INSL6: variants seen among roughly 807,000 people sequenced by gnomAD.
INSL6 encodes the protein insulin-like peptide INSL6.
INSL6 carries 16 observed loss-of-function variants against 9.4 expected under a neutral mutation model. The ratio of observed to expected loss-of-function variants is 1.70; its 90% CI spans 1.15 to 2.59. The LOEUF is 2.59. Among genes scored for constraint, INSL6 ranks in the 30% most tolerant of loss-of-function variants. The probability of loss-of-function intolerance (pLI) is 0.00; values close to 1 mark genes in which losing one functional copy is unlikely to be tolerated. For synonymous variants in INSL6, 154 were observed against 96.9 expected, an observed-to-expected ratio of 1.59 and a Z score of -3.46; for missense variants, 391 against 257.3, an observed-to-expected ratio of 1.52 and a Z score of -3.56.
At chr9:5,096,669 TTCA>T in the INSL6 span, 1 of 152,192 alleles carries the variant, frequency 6.6e-6, no homozygotes, top group African/African-American at 2.4e-5. Flanking sequence ...TCCACTTATG[TTCA>T]TCAATTGTTG....
At chr9:5,110,770 G>A in the INSL6 span, 1 of 390,652 alleles carries the variant, frequency 2.6e-6, no homozygotes. Context: ...TGGCCATGCA[G>A]GAGTGGTAAG....
the INSL6 span, among the ~76,000 whole-genome samples, chr9:5,082,873 A>G: frequency 6.6e-6 from 1 of 152,258 alleles, no homozygotes; most frequent in African/African-American, 2.4e-5. Context: ...GGTTGGGGCA[A>G]AGTTACAGAT....
the INSL6 span, chr9:5,100,149 A>G: frequency 1.3e-5 from 2 of 152,144 alleles, no homozygotes; most frequent in Non-Finnish European, 2.9e-5. Context: ...TTCTAATCCT[A>G]CTGACTATTC....
At chr9:5,064,617 T>C in the INSL6 span, among the ~76,000 whole-genome samples, 1,074 of 152,156 alleles carry the variant, frequency 7.1e-3, 10 homozygotes, top group African/African-American at 0.025. Context: ...AGATAACTGG[T>C]ATATTAGTCT....
chr9:5,016,831 G>A, the INSL6 span, among the ~76,000 whole-genome samples: 1 of 152,148 alleles, frequency 6.6e-6, no homozygotes, highest in African/African-American at 2.4e-5. Flanking sequence ...ATATGGAAGT[G>A]AGCTTGAGAG....
At chr9:5,080,892 CTTTTTT>C in the INSL6 span, among the ~76,000 whole-genome samples, 2 of 95,616 alleles carry the variant, frequency 2.1e-5, no homozygotes, top group Non-Finnish European at 1.9e-5. Flanking sequence ...AAGACCTTTT[CTTTTTT>C]TTTTTTTTTT....
intron 2 of INSL6, among the ~76,000 whole-genome samples, chr9:5,142,386 C>T (rs1166828847): frequency 6.6e-6 from 1 of 152,148 alleles, no homozygotes; most frequent in Non-Finnish European, 1.5e-5. Flanking sequence ...TCTCTGATTT[C>T]TTTGAGCAGT....
chr9:5,055,797 G>T, the INSL6 span: 1 of 1,605,226 alleles, frequency 6.2e-7, no homozygotes, highest in South Asian at 1.1e-5. Flanking sequence ...TGGTAAGTTT[G>T]CTTTATGATT....
the INSL6 span, among the ~76,000 whole-genome samples, chr9:5,052,071 T>C: frequency 6.6e-6 from 1 of 152,106 alleles, no homozygotes; most frequent in East Asian, 1.9e-4. Flanking sequence ...TAGATGTCGT[T>C]ACATAGAAAC....
the INSL6 span, chr9:5,050,622 T>G: frequency 2.5e-5 from 37 of 1,452,728 alleles, no homozygotes; most frequent in Middle Eastern, 1.8e-4. Context: ...TAAAATATAA[T>G]CATAGATTAA....
the INSL6 span, among the ~76,000 whole-genome samples, chr9:5,024,290 T>TTTTAGCATGTAAGATTTTGC: frequency 6.6e-6 from 1 of 152,192 alleles, no homozygotes; most frequent in Non-Finnish European, 1.5e-5. Flanking sequence ...TAAGATTCAT[T>TTTTAGCATGTAAGATTTTGC]TTTAGCATGT....
chr9:5,176,365 T>C (rs1351641005), intron 1 of INSL6, among the ~76,000 whole-genome samples: 1 of 152,234 alleles, frequency 6.6e-6, no homozygotes, highest in Non-Finnish European at 1.5e-5. Flanking sequence ...TTTTCATTTT[T>C]CTGTAGCTCT....
the INSL6 span, chr9:5,108,560 C>T: frequency 6.6e-6 from 1 of 152,034 alleles, no homozygotes; most frequent in Admixed American, 6.6e-5. Context: ...TCGGACTTCA[C>T]CTGTGACTCC....
chr9:5,069,969 G>A, the INSL6 span: 2 of 1,607,568 alleles, frequency 1.2e-6, no homozygotes, highest in Non-Finnish European at 1.7e-6. Flanking sequence ...TGTTTCTGAT[G>A]TACCAACCTC....
chr9:5,039,602 A>T, the INSL6 span, among the ~76,000 whole-genome samples: 4 of 152,230 alleles, frequency 2.6e-5, no homozygotes, highest in South Asian at 6.2e-4. Context: ...AGGAATTAAT[A>T]AAAAAACTAT....
chr9:5,131,133 A>G (rs1005532716), intron 3 of INSL6, among the ~76,000 whole-genome samples: 1 of 152,214 alleles, frequency 6.6e-6, no homozygotes, highest in Non-Finnish European at 1.5e-5. Flanking sequence ...ACTAAAGCAA[A>G]TGGAAAGATA....
the INSL6 span, chr9:5,069,136 T>C: frequency 6.2e-7 from 1 of 1,613,412 alleles, no homozygotes; most frequent in Non-Finnish European, 8.5e-7. Context: ...TTTGAATTGT[T>C]ACCAGATGGA....
At chr9:5,107,755 A>G in the INSL6 span, among the ~76,000 whole-genome samples, 1 of 152,070 alleles carries the variant, frequency 6.6e-6, no homozygotes, top group Admixed American at 6.5e-5. Context: ...TACTGTCAAT[A>G]TTTATCATAA....
At chr9:5,139,788 T>C (rs559228438) in intron 2 of INSL6, among the ~76,000 whole-genome samples, 10 of 152,324 alleles carry the variant, frequency 6.6e-5, no homozygotes, top group Admixed American at 5.2e-4. Context: ...GTGCTCATTA[T>C]ACAACAACAT....
Sources: allele counts gnomAD v4.1 joint callset (sites outside exome capture counted in the v4.1 genomes callset), GRCh38; gene constraint gnomAD v4.1.1; transcripts MANE v1.5; gene names NCBI Gene and HGNC (gene_info 2026-07-23, HGNC 2026-07-21).